Variants in APOL5 observed in about 807,000 individuals in gnomAD.
APOL5 encodes apolipoprotein L, 5.
A neutral mutation model predicts 35.5 loss-of-function variants in APOL5; 29 were observed. The observed-to-expected ratio is 0.82, with a 90% CI of 0.61 to 1.11. The LOEUF (loss-of-function observed/expected upper bound fraction) is 1.11, where lower values mean the gene tolerates loss of function less well. Among genes scored for constraint, APOL5 ranks in the 50% most tolerant of loss-of-function variants. The pLI is 0.00. For missense variants in APOL5, 514 were observed against 530.4 expected (o/e 0.97, Z 0.30); for synonymous variants, 188 against 200.2 (o/e 0.94, Z 0.51).
Position 35,726,648 on chromosome 22 carries a change from A to T in APOL5, c.580A>T (p.Ser194Cys). The change falls in exon 3 of 5, where the codon AGC (serine) becomes TGC (cysteine). Residue 194 changes from serine to cysteine, a missense_variant. Coordinates refer to ENST00000249044, the MANE Select transcript of APOL5 (RefSeq NM_030642.1). ...AGTAACAAATGTCTTAGAAAATAGA[A>T]GCAATTCAGCAGCAAGAGACAAAGC... ...NIVTNVLENR[S>C]NSAARDKASR... 6.2e-7 allele frequency: 1 copy of T among 1,614,232 alleles called. No homozygotes were observed. Among genetic ancestry groups the T allele is most frequent in the Non-Finnish European group, 8.5e-7 (1 of 1,180,054 alleles).
upstream of APOL5, among the ~76,000 whole-genome samples, chr22:35,715,871 G>A (rs532218380): frequency 3.9e-5 from 6 of 152,280 alleles, no homozygotes; most frequent in South Asian, 4.1e-4. Context: ...ACCTATCTAT[G>A]TAGAGCATAG....
At chr22:35,725,922 AG>A (rs1927136601) in intron 2 of APOL5, among the ~76,000 whole-genome samples, 1 of 152,156 alleles carries the variant, frequency 6.6e-6, no homozygotes, top group Admixed American at 6.5e-5. Flanking sequence ...TCTGGTCCCT[AG>A]GCAAGAAGGG....
chr22:35,717,235 A>AAAAAAAAAAAAAAAATATATATATAT, upstream of APOL5, among the ~76,000 whole-genome samples: 1 of 57,658 alleles, frequency 1.7e-5, no homozygotes. Flanking sequence ...AAAAAAAAAA[A>AAAAAAAAAAAAAAAATATATATATAT]ATATATATAT....
At chr22:35,715,622 C>T (rs536784394), upstream of APOL5, among the ~76,000 whole-genome samples, 1 of 152,234 alleles carries the variant, frequency 6.6e-6, no homozygotes, top group East Asian at 1.9e-4. Flanking sequence ...CCAGCCTGAG[C>T]CACAGAGCAA....
At chr22:35,713,944 C>T (rs1926664849), upstream of APOL5, among the ~76,000 whole-genome samples, 1 of 152,204 alleles carries the variant, frequency 6.6e-6, no homozygotes. Context: ...AGAGACCTCT[C>T]ATCCTGGGTT....
the APOL5 span, among the ~76,000 whole-genome samples, chr22:35,710,041 T>C: frequency 6.6e-6 from 1 of 151,846 alleles, no homozygotes; most frequent in Non-Finnish European, 1.5e-5. Context: ...AGCATGTTTC[T>C]GGTGAGTGTT....
intron 2 of APOL5, among the ~76,000 whole-genome samples, chr22:35,723,715 C>T (rs1601897580): frequency 6.6e-6 from 1 of 152,190 alleles, no homozygotes; most frequent in East Asian, 1.9e-4. Context: ...AATCCCAAAA[C>T]TTTGGGAGGC....
At chr22:35,717,076 C>T (rs4820212), upstream of APOL5, among the ~76,000 whole-genome samples, 255 of 151,452 alleles carry the variant, frequency 1.7e-3, no homozygotes, top group Middle Eastern at 3.4e-3. Context: ...GGCACATGTA[C>T]TTCTCATGTT....
chr22:35,721,317 C>T (rs909348729), intron 2 of APOL5, among the ~76,000 whole-genome samples: 4 of 152,174 alleles, frequency 2.6e-5, no homozygotes, highest in East Asian at 1.9e-4. Flanking sequence ...CCAAGGTGGG[C>T]GGATCGCTTG....
At chr22:35,708,716 T>C in the APOL5 span, among the ~76,000 whole-genome samples, 1 of 152,154 alleles carries the variant, frequency 6.6e-6, no homozygotes, top group African/African-American at 2.4e-5. Flanking sequence ...GACCAGAATA[T>C]TTATGCAACT....
At position 35,726,505 on chromosome 22, in the gene APOL5, CTG is replaced by C; in HGVS notation, c.439_440del (p.Val147PhefsTer46). On this transcript the variant is annotated frameshift_variant, in exon 3 of 5. Transcript: ENST00000249044. LOFTEE classifies it high-confidence loss of function. ...AGCCTGGTGGCCAGCTCTTCCGGGG[CTG>C]TTTCTGGGGTCATGAACATCCTGGG... 6.2e-7 allele frequency: 1 copy of C among 1,614,208 alleles called. No homozygotes were observed.
intron 2 of APOL5, among the ~76,000 whole-genome samples, chr22:35,722,452 G>A (rs564222038): frequency 4.6e-5 from 7 of 152,200 alleles, no homozygotes; most frequent in East Asian, 1.9e-4. Flanking sequence ...ACAGGTGCCC[G>A]CCACCACACC....
intron 2 of APOL5, among the ~76,000 whole-genome samples, chr22:35,721,175 G>A (rs1296069462): frequency 6.6e-6 from 1 of 152,198 alleles, no homozygotes; most frequent in African/African-American, 2.4e-5. Context: ...GTTGTCTCAT[G>A]TGCAATTGGA....
At chr22:35,713,543 C>T (rs2145991529), upstream of APOL5, among the ~76,000 whole-genome samples, 1 of 152,318 alleles carries the variant, frequency 6.6e-6, no homozygotes, top group South Asian at 2.1e-4. Flanking sequence ...ATTCCCATCT[C>T]GGAGTCACCA....
chr22:35,718,057 C>G, intron 1 of APOL5, 131 bp downstream of exon 1: 1 of 632,576 alleles, frequency 1.6e-6, no homozygotes, highest in Non-Finnish European at 2.4e-6. Context: ...TATAGCAGAT[C>G]CTTGGTTTTA....
At position 35,726,840 on chromosome 22, in the gene APOL5, A is replaced by T. The variant is rs747936781; in HGVS notation, c.772A>T (p.Met258Leu). The T allele has an allele frequency of 1.9e-6, 3 of 1,614,194 alleles. No homozygotes were observed. The South Asian group carries it at 3.3e-5, about 18-fold the overall frequency. Reference protein sequence around the residue: ...MAKSNSGFMAMVKNFVAKRHI... With the variant: ...MAKSNSGFMALVKNFVAKRHI... ...CAAATCCAACTCTGGCTTCATGGCT[A>T]TGGTCAAGAATTTTGTGGCCAAGAG... The change falls in exon 3 of 5, where the codon ATG becomes TTG. Residue 258 changes from methionine to leucine, a missense_variant. Transcript: ENST00000249044.
the APOL5 span, among the ~76,000 whole-genome samples, chr22:35,710,673 A>G: frequency 6.6e-6 from 1 of 151,944 alleles, no homozygotes; most frequent in East Asian, 1.9e-4. Flanking sequence ...GCAAAACTGA[A>G]ACTTTGCCCC....
At chr22:35,709,050 T>C in the APOL5 span, among the ~76,000 whole-genome samples, 1 of 152,182 alleles carries the variant, frequency 6.6e-6, no homozygotes, top group Admixed American at 6.5e-5. Flanking sequence ...TGTCAAGTCT[T>C]TTTTTCATTA....
At chr22:35,711,633 T>TCCTTCCTTCCTTCCTC in the APOL5 span, among the ~76,000 whole-genome samples, 1 of 148,788 alleles carries the variant, frequency 6.7e-6, no homozygotes, top group African/African-American at 2.5e-5. Context: ...CTTCCTTCCT[T>TCCTTCCTTCCTTCCTC]CCTTCCTTCC....
Sources: gnomAD v4.1 joint callset for allele counts (sites outside exome capture counted in the v4.1 genomes callset) on GRCh38, gnomAD v4.1.1 for gene constraint, MANE v1.5 for transcripts, NCBI Gene and HGNC (gene_info 2026-07-23, HGNC 2026-07-21) for gene names.